Variants in CARS1 observed in about 807,000 individuals in gnomAD.
CARS1 encodes the protein cysteine--tRNA ligase, cytoplasmic.
A neutral mutation model predicts 106.2 loss-of-function variants in CARS1; 48 were observed. That is an observed-to-expected ratio of 0.45 (90% CI 0.36 to 0.57). CARS1 has a LOEUF of 0.57. Ranked by LOEUF, CARS1 falls within the 20% of genes least tolerant of loss-of-function variation. The probability of loss-of-function intolerance (pLI) is 0.00; values close to 1 mark genes in which losing one functional copy is unlikely to be tolerated. For missense variants in CARS1, 968 were observed against 1,057.2 expected (o/e 0.92, Z 1.17); for synonymous variants, 409 against 403.4 (o/e 1.01, Z -0.17).
At chr11:3,032,022 CCCT>C (rs1852860712) in intron 7 of CARS1, among the ~76,000 whole-genome samples, 1 of 18,378 alleles carries the variant, frequency 5.4e-5, no homozygotes, top group African/African-American at 1.9e-4. Context: ...CTCCCTCCCT[CCCT>C]CCCTCCCTCC....
chr11:3,016,988 G>T, intron 16 of CARS1, 118 bp downstream of exon 16: 1 of 766,172 alleles, frequency 1.3e-6, no homozygotes, highest in Non-Finnish European at 2.1e-6. Flanking sequence ...CGTCTCAGAG[G>T]TGCTGGGCAC....
chr11:3,040,685 T>TG lies in CARS1; in HGVS notation c.455+210_455+211insC, dbSNP rs1313059299. 1.9e-5 allele frequency: 13 copies of TG among 697,102 alleles called. No individual in the cohort carries two copies. Among genetic ancestry groups the TG allele is most frequent in the African/African-American group, 1.2e-4 (7 of 57,180 alleles). The allele number at this position is 697,102 out of a possible 1,614,324, so 43.2% of individuals were successfully genotyped here. A position where few individuals can be genotyped will look rare whatever the true frequency, so the allele number is the denominator to read the frequency against. ...TGGACATTTTCTTTTTGGTGATCTG[T>TG]AGTCTTTCTGCAGTGAATATAGATT... On this transcript the variant is annotated intron_variant, in intron 4 of 22. Coordinates refer to ENST00000380525, the MANE Select transcript of CARS1 (RefSeq NM_001014437.3). This position sits in a 1 kb window ranked among gnomAD's most constrained non-coding sequence, Gnocchi z 5.8.
intron 1 of CARS1, chr11:3,055,184 G>C (rs575382688): frequency 1.8e-6 from 1 of 553,136 alleles, no homozygotes; most frequent in Admixed American, 3.2e-5. Flanking sequence ...TTTTTGAGAC[G>C]GAGTCTCGCT....
chr11:3,035,131 A>G (rs994142501), intron 7 of CARS1, among the ~76,000 whole-genome samples: 1 of 152,228 alleles, frequency 6.6e-6, no homozygotes, highest in African/African-American at 2.4e-5. Context: ...TTACCTCTTA[A>G]TACTGTTACA....
chr11:3,026,909 T>C, intron 9 of CARS1, 112 bp from the exon 10 acceptor site: 1 of 1,232,138 alleles, frequency 8.1e-7, no homozygotes, highest in Non-Finnish European at 1.1e-6. Context: ...ATCTGTGGCC[T>C]ATCTACTCTC....
chr11:3,001,133 T>G lies in CARS1; in HGVS notation c.2477A>C (p.Gln826Pro), dbSNP rs1211868569. ...GCCCCCTCACTGGAAGCTTCCATTC[T>G]GGGCCATCTGCAGATATTCCTTGTA... ...KLYKEYLQMAQNGSFQ is the reference protein window; with the variant it reads ...KLYKEYLQMAPNGSFQ Residue 826 changes from glutamine (Q) to proline (P), a missense_variant, in exon 23 of 23, where the codon CAG becomes CCG. Transcript: ENST00000380525. 6.2e-7 allele frequency: 1 copy of G among 1,614,102 alleles called. No homozygotes were observed. The highest frequency in any genetic ancestry group is 1.1e-5 in the South Asian group (1 of 91,084).
rs747478483 is a variant in CARS1 at position 3,048,079 on chromosome 11, G to A, written c.26-78C>T. 9 of 1,547,470 alleles carry A rather than the reference G, an allele frequency of 5.8e-6. No individual in the cohort carries two copies. The highest frequency in any genetic ancestry group is 1.2e-5 in the South Asian group (1 of 84,830). On this transcript the variant is annotated intron_variant, in intron 1 of 22. Transcript: ENST00000380525. This position sits in a 1 kb window ranked among gnomAD's most constrained non-coding sequence, Gnocchi z 5.1. The stretch of plus-strand genomic sequence containing the variant: ...GCCGCCAGAAAGACAGGGACTAGGG[G>A]ATGGCACAGAACCAAGGAAAAAGGT...
In CARS1 at chr11:3,017,372, G is replaced by A; in HGVS notation, c.1728-77C>T. ...GAAATTCCCCATGTGGCCAGGCGCA[G>A]TGGCTCACGCCTATAATCCCAGCAC... is the stretch of plus-strand genomic sequence containing the variant. On this transcript the variant is annotated intron_variant, in intron 15 of 22. Transcript: ENST00000380525. The surrounding 1 kb of genome is among the most constrained non-coding windows in gnomAD (Gnocchi z 4.9). 3 of 1,333,878 alleles carry A rather than the reference G, an allele frequency of 2.2e-6. No individual in the cohort carries two copies. Among genetic ancestry groups the A allele is most frequent in the Non-Finnish European group, 3.2e-6 (3 of 944,502 alleles). 82.6% of individuals were successfully genotyped at this position (1,333,878 alleles called of 1,614,324 possible). A position where few individuals can be genotyped will look rare whatever the true frequency, so the allele number is the denominator to read the frequency against.
intron 1 of CARS1, among the ~76,000 whole-genome samples, chr11:3,054,435 G>A (rs541122145): frequency 6.6e-5 from 10 of 152,304 alleles, no homozygotes; most frequent in South Asian, 2.1e-4. Context: ...TCAAATACCC[G>A]GAAACATGGT....
At position 3,053,895 on chromosome 11, in the gene CARS1, T is replaced by C. The variant is rs1855927448; in HGVS notation, c.25+3448A>G. ...TTCAAAGGTCCCACCAGGGTCCTCA[T>C]CTTGTGGGTGTCCAGGCAACATCTC... On this transcript the variant is annotated intron_variant, in intron 1 of 22. Transcript: ENST00000380525. This position sits in a 1 kb window ranked among gnomAD's most constrained non-coding sequence, Gnocchi z 6.6. Among the ~76,000 whole-genome samples, 1 of 152,116 alleles carries C rather than the reference T, an allele frequency of 6.6e-6. No individual in the cohort carries two copies. The highest frequency in any genetic ancestry group is 6.5e-5 in the Admixed American group (1 of 15,276).
intron 2 of CARS1, 125 bp downstream of exon 2, chr11:3,047,628 G>T: frequency 1.5e-6 from 2 of 1,327,884 alleles, no homozygotes; most frequent in Non-Finnish European, 2.1e-6. Flanking sequence ...ACTTGCTCGA[G>T]ACACACTTGG....
rs116549768 is a variant in CARS1 at position 3,030,115 on chromosome 11, T to C, written c.802-672A>G. ...TCCGCCATCTTGGAGGGACCTAGAG[T>C]CTCAATGCACTGACGTGGACCCAGG... On this transcript the variant is annotated intron_variant, in intron 7 of 22. Coordinates refer to ENST00000380525, the MANE Select transcript of CARS1 (RefSeq NM_001014437.3). The surrounding 1 kb of genome is among the most constrained non-coding windows in gnomAD (Gnocchi z 5.7). 2 of 151,540 alleles carry C rather than the reference T, an allele frequency of 1.3e-5. No individual in the cohort carries two copies. Among genetic ancestry groups the C allele is most frequent in the African/African-American group, 4.9e-5 (2 of 41,164 alleles). 9.4% of individuals were successfully genotyped at this position (151,540 alleles called of 1,614,324 possible).
rs182234475 is a variant in CARS1, at chr11:3,041,903, G to A, written c.366+262C>T. On this transcript the variant is annotated intron_variant, in intron 3 of 22. Coordinates refer to ENST00000380525, the MANE Select transcript of CARS1 (RefSeq NM_001014437.3). The surrounding 1 kb of genome is among the most constrained non-coding windows in gnomAD (Gnocchi z 4.9). The stretch of plus-strand genomic sequence containing the variant: ...GGGCAGAGTCCGAGAGACAAGCCAG[G>A]GTGATCCATGCCCAGAAGTCATGGG... Among the ~76,000 whole-genome samples, 6 of 152,258 alleles carry A rather than the reference G, an allele frequency of 3.9e-5. No individual in the cohort carries two copies. The highest frequency in any genetic ancestry group is 7.3e-5 in the Non-Finnish European group (5 of 68,028).
chr11:3,015,014 C>G (rs1353151754), intron 17 of CARS1, among the ~76,000 whole-genome samples: 1 of 152,216 alleles, frequency 6.6e-6, no homozygotes, highest in Non-Finnish European at 1.5e-5. Flanking sequence ...CATTCTTGAC[C>G]TGGGAGCAGG....
intron 7 of CARS1, among the ~76,000 whole-genome samples, chr11:3,035,461 A>T (rs891498764): frequency 2.6e-5 from 4 of 152,202 alleles, no homozygotes; most frequent in African/African-American, 9.7e-5. Context: ...AATGTGGTAG[A>T]AGAAGAAGAA....
intron 10 of CARS1, among the ~76,000 whole-genome samples, chr11:3,023,479 C>T (rs1174333947): frequency 1.3e-5 from 2 of 152,186 alleles, no homozygotes; most frequent in Admixed American, 1.3e-4. Flanking sequence ...ACTACAGCCT[C>T]GACCTCCCTG....
In CARS1 at chr11:3,003,096, A is replaced by G. The variant is rs1457726515; in HGVS notation, c.2218-496T>C. On this transcript the variant is annotated intron_variant, in intron 20 of 22. Transcript: ENST00000380525. The surrounding 1 kb of genome is among the most constrained non-coding windows in gnomAD (Gnocchi z 4.8). ...GGTGAGGAGACCAGAGCCCACTCCA[A>G]CCAGCAGGCAGCACCCGGGCAGGGG... is the stretch of plus-strand genomic sequence containing the variant. Among the ~76,000 whole-genome samples the G allele has an allele frequency of 6.6e-6, 1 of 152,098 alleles. No homozygotes were observed. The highest frequency in any genetic ancestry group is 1.9e-4 in the East Asian group (1 of 5,164).
At chr11:3,057,255 C>T in intron 1 of CARS1, 88 bp downstream of exon 1, 4 of 1,186,652 alleles carry the variant, frequency 3.4e-6, no homozygotes, top group African/African-American at 1.5e-5. Flanking sequence ...GCCCCTCAGA[C>T]ATAAGGACTC....
rs1285244884 is a variant in CARS1 at position 3,004,790 on chromosome 11, G to A, written c.2217+576C>T. Among the ~76,000 whole-genome samples the A allele has an allele frequency of 6.6e-6, 1 of 152,156 alleles. No homozygotes were observed. Among genetic ancestry groups the A allele is most frequent in the Non-Finnish European group, 1.5e-5 (1 of 68,032 alleles). Reference sequence around the variant, plus strand: ...AGTGACACGCGCCACTCAGGTGAGGGCACGGTGGGACTGGGATCTTAACAT... The same window carrying A: ...AGTGACACGCGCCACTCAGGTGAGGACACGGTGGGACTGGGATCTTAACAT... On this transcript the variant is annotated intron_variant, in intron 20 of 22. Transcript: ENST00000380525. The surrounding 1 kb of genome is among the most constrained non-coding windows in gnomAD (Gnocchi z 5.2).
Sources: allele counts gnomAD v4.1 joint callset (sites outside exome capture counted in the v4.1 genomes callset), GRCh38; gene constraint gnomAD v4.1.1; non-coding constraint Gnocchi (gnomAD v3.1); transcripts MANE v1.5; gene names NCBI Gene and HGNC (gene_info 2026-07-23, HGNC 2026-07-21).